PITPNA: variants seen among roughly 807,000 people sequenced by gnomAD.
PITPNA encodes the protein phosphatidylinositol transfer protein alpha.
PITPNA carries 13 observed loss-of-function variants against 50.3 expected under a neutral mutation model. The ratio of observed to expected loss-of-function variants is 0.26; its 90% CI spans 0.17 to 0.41. The LOEUF (loss-of-function observed/expected upper bound fraction) is 0.41. Ranked by LOEUF, PITPNA falls within the 10% of genes least tolerant of loss-of-function variation. The pLI is 1.00. For synonymous variants in PITPNA, 120 were observed against 119.6 expected (o/e 1.00, Z -0.02); for missense variants, 207 against 333.4 (o/e 0.62, Z 2.95).
At chr17:1,528,293 A>T (rs772838557) in intron 10 of PITPNA, among the ~76,000 whole-genome samples, 1 of 152,094 alleles carries the variant, frequency 6.6e-6, no homozygotes, top group Non-Finnish European at 1.5e-5. Flanking sequence ...GGCACACACC[A>T]CCACACCTGG....
chr17:1,551,997 G>A (rs1011667311), intron 3 of PITPNA, among the ~76,000 whole-genome samples: 6 of 151,604 alleles, frequency 4.0e-5, no homozygotes, highest in African/African-American at 1.5e-4. Context: ...TGATGGTGAG[G>A]TTCCTCCCCA....
chr17:1,522,378 CTT>C (rs909893206), intron 10 of PITPNA, among the ~76,000 whole-genome samples: 8 of 150,308 alleles, frequency 5.3e-5, no homozygotes, highest in Non-Finnish European at 1.2e-4. Flanking sequence ...GCCGAAACAT[CTT>C]TTTTTGTGTG....
chr17:1,531,380 G>T (rs534867536), intron 10 of PITPNA, among the ~76,000 whole-genome samples: 1 of 152,114 alleles, frequency 6.6e-6, no homozygotes, highest in Admixed American at 6.5e-5. Context: ...TCCCCCCACT[G>T]TAACTACCGA....
intron 10 of PITPNA, among the ~76,000 whole-genome samples, chr17:1,528,101 G>T (rs910956051): frequency 1.3e-5 from 2 of 152,200 alleles, no homozygotes; most frequent in Admixed American, 6.5e-5. Context: ...TGAGGTGGGT[G>T]GATCAGTTGA....
rs754598210 is a variant in PITPNA, at chr17:1,554,489, T to C, written c.52-1340A>G. On this transcript the variant is annotated intron_variant, in intron 2 of 11. Transcript: ENST00000313486. ...GCCTCCTGGGTTCAAGTGATTCTCCTGCCTCCTGCCTCCTGCCTCAGCCTC... is the reference window on the plus strand; with the variant it reads ...GCCTCCTGGGTTCAAGTGATTCTCCCGCCTCCTGCCTCCTGCCTCAGCCTC... Among the ~76,000 whole-genome samples the C allele has an allele frequency of 7.5e-4, 111 of 148,496 alleles. No individual in the cohort carries two copies. In the Middle Eastern group the frequency reaches 0.018, roughly 24 times the overall value.
intron 6 of PITPNA, among the ~76,000 whole-genome samples, chr17:1,539,772 C>T (rs531761047): frequency 1.3e-5 from 2 of 152,322 alleles, no homozygotes; most frequent in African/African-American, 4.8e-5. Context: ...AGTCTTGCTG[C>T]GACGCCCAGG....
Position 1,534,140 on chromosome 17 carries a change from T to C in PITPNA, c.727A>G (p.Ile243Val). 1 of 1,613,868 alleles carries C rather than the reference T, an allele frequency of 6.2e-7. No homozygotes were observed. The highest frequency in any genetic ancestry group is 1.1e-5 in the South Asian group (1 of 91,070). The change falls in exon 10 of 12, where the codon ATT becomes GTT. Residue 243 changes from isoleucine to valine, a missense_variant. Coordinates refer to ENST00000313486, the MANE Select transcript of PITPNA (RefSeq NM_006224.4). ...DKWVDLTMDD[I>V]RRMEEETKRQ... ...TTCGTCTCTTCTTCCATCCTTCGAA[T>C]GTCGTCCATGGTCAGGTCAACCCAC...
At chr17:1,545,103 T>A (rs1353128802) in intron 4 of PITPNA, among the ~76,000 whole-genome samples, 1 of 151,166 alleles carries the variant, frequency 6.6e-6, no homozygotes, top group African/African-American at 2.5e-5. Context: ...AACTTTCTTT[T>A]CCTTTTCCCA....
At chr17:1,545,889 A>T (rs977361673) in intron 4 of PITPNA, among the ~76,000 whole-genome samples, 4 of 147,322 alleles carry the variant, frequency 2.7e-5, no homozygotes, top group East Asian at 2.0e-4. Context: ...GCCCTAGACC[A>T]GACACACCCA....
rs1465373242 is a variant in PITPNA, at chr17:1,534,196, A to G, written c.671T>C (p.Phe224Ser). ...HKQERRLFTN[F>S]HRQLFCWLDK... ...GAGCCAACAGAACAGCTGCCTGTGG[A>G]AGTTTGTAAACAGACGCCTCTCTTG... The change falls in exon 10 of 12, where the codon TTC becomes TCC. Residue 224 changes from phenylalanine (F) to serine (S), a missense_variant. By Grantham distance (155) the Phe-to-Ser change is radical. Transcript: ENST00000313486. The G allele has an allele frequency of 6.2e-7, 1 of 1,613,920 alleles. No homozygotes were observed. The highest frequency in any genetic ancestry group is 1.7e-5 in the Admixed American group (1 of 60,020).
chr17:1,528,903 C>A (rs554371213), intron 10 of PITPNA, among the ~76,000 whole-genome samples: 4 of 151,460 alleles, frequency 2.6e-5, no homozygotes, highest in African/African-American at 4.9e-5. Flanking sequence ...TTTGGGAGGC[C>A]GAGGCAGGCG....
At chr17:1,537,488 T>C (rs2075625099) in intron 7 of PITPNA, among the ~76,000 whole-genome samples, 2 of 152,122 alleles carry the variant, frequency 1.3e-5, no homozygotes, top group African/African-American at 4.8e-5. Context: ...CGTGAGCCAA[T>C]GTGCCCAGCC....
At chr17:1,539,631 C>T (rs112432100) in intron 6 of PITPNA, among the ~76,000 whole-genome samples, 6 of 151,136 alleles carry the variant, frequency 4.0e-5, no homozygotes, top group African/African-American at 1.2e-4. Context: ...GAGCTGGGCC[C>T]GAGTGATCCT....
At chr17:1,522,112 C>G (rs913027747) in intron 10 of PITPNA, among the ~76,000 whole-genome samples, 5 of 147,518 alleles carry the variant, frequency 3.4e-5, no homozygotes, top group Non-Finnish European at 7.4e-5. Flanking sequence ...CCGCCCAGGC[C>G]GGACTGCGGA....
At chr17:1,526,482 T>G (rs1287410605) in intron 10 of PITPNA, among the ~76,000 whole-genome samples, 1 of 152,248 alleles carries the variant, frequency 6.6e-6, no homozygotes, top group African/African-American at 2.4e-5. Flanking sequence ...TTAAAACTCT[T>G]TCATAATAGA....
chr17:1,543,525 G>C (rs559064240), intron 4 of PITPNA, among the ~76,000 whole-genome samples: 1 of 152,258 alleles, frequency 6.6e-6, no homozygotes, highest in African/African-American at 2.4e-5. Context: ...CCCTTAGAAA[G>C]CATGGTTCAA....
At chr17:1,550,944 T>G (rs566586440) in intron 3 of PITPNA, among the ~76,000 whole-genome samples, 1 of 152,206 alleles carries the variant, frequency 6.6e-6, no homozygotes, top group South Asian at 2.1e-4. Context: ...AGGGACATGT[T>G]GGAGACGCTG....
At chr17:1,535,722 G>A in intron 7 of PITPNA, 3 of 584,214 alleles carry the variant, frequency 5.1e-6, no homozygotes, top group East Asian at 5.8e-5. Flanking sequence ...CTCCGATAGG[G>A]TTTGTTTTCC....
At chr17:1,540,271 TACAAAATTATGAC>T (rs1261922907) in intron 6 of PITPNA, among the ~76,000 whole-genome samples, 7 of 152,314 alleles carry the variant, frequency 4.6e-5, no homozygotes, top group African/African-American at 1.7e-4. Flanking sequence ...ATGCACATAA[TACAAAATTATGAC>T]ACAAATTCAA....
Sources: gnomAD v4.1 joint callset for allele counts (sites outside exome capture counted in the v4.1 genomes callset) on GRCh38, gnomAD v4.1.1 for gene constraint, MANE v1.5 for transcripts, NCBI Gene and HGNC (gene_info 2026-07-23, HGNC 2026-07-21) for gene names.